The following SDK1 variants were observed in gnomAD, a reference collection of about 807,000 sequenced individuals.
SDK1 encodes the protein protein sidekick-1.
Under a neutral mutation model 245.5 loss-of-function variants are expected in SDK1, and 157 were observed. The ratio of observed to expected loss-of-function variants is 0.64; its 90% CI spans 0.56 to 0.73. The LOEUF (loss-of-function observed/expected upper bound fraction) is 0.73, where lower values mean the gene tolerates loss of function less well. SDK1 is among the 30% of genes least tolerant of loss of function. SDK1 has a pLI of 0.00. For synonymous variants in SDK1, 1,647 were observed against 1,278.5 expected (o/e 1.29, Z -6.15); for missense variants, 3,583 against 3,002.3 (o/e 1.19, Z -4.52).
intron 13 of SDK1, among the ~76,000 whole-genome samples, chr7:3,975,694 G>A (rs138818286): frequency 2.0e-5 from 3 of 152,250 alleles, no homozygotes; most frequent in Non-Finnish European, 2.9e-5. Flanking sequence ...ATGTGTAGCA[G>A]TCAGTCCGGA....
At chr7:3,307,218 CT>C (rs1264995543) in intron 1 of SDK1, among the ~76,000 whole-genome samples, 2 of 152,028 alleles carry the variant, frequency 1.3e-5, no homozygotes, top group Admixed American at 6.6e-5. Flanking sequence ...AAATTTCCCC[CT>C]AAGTATGTAC....
At chr7:4,203,785 G>A (rs1470785697) in intron 35 of SDK1, among the ~76,000 whole-genome samples, 7 of 152,246 alleles carry the variant, frequency 4.6e-5, no homozygotes. Context: ...GCTTTGCTCA[G>A]CGTTGACATA....
chr7:3,568,652 G>T (rs1379596620), intron 1 of SDK1, among the ~76,000 whole-genome samples: 2 of 152,204 alleles, frequency 1.3e-5, no homozygotes, highest in Non-Finnish European at 2.9e-5. Context: ...CCATGTTAAA[G>T]GGCAGACCTG....
chr7:3,346,964 C>T (rs192214459), intron 1 of SDK1, among the ~76,000 whole-genome samples: 17 of 149,618 alleles, frequency 1.1e-4, no homozygotes, highest in African/African-American at 4.2e-4. Context: ...AGCTACTGCA[C>T]CCAGCCCTGA....
intron 44 of SDK1, among the ~76,000 whole-genome samples, chr7:4,250,795 G>A (rs905919032): frequency 5.9e-5 from 9 of 152,158 alleles, no homozygotes; most frequent in Non-Finnish European, 1.3e-4. Context: ...GCTTTATTGA[G>A]TTATAATTCA....
chr7:3,537,046 A>C (rs2128619483), intron 1 of SDK1, among the ~76,000 whole-genome samples: 1 of 152,312 alleles, frequency 6.6e-6, no homozygotes, highest in Non-Finnish European at 1.5e-5. Flanking sequence ...ATACCCTCTG[A>C]GTCTTTTACC....
At chr7:4,251,586 C>T (rs774745613) in intron 44 of SDK1, among the ~76,000 whole-genome samples, 24 of 152,204 alleles carry the variant, frequency 1.6e-4, no homozygotes, top group Non-Finnish European at 2.9e-4. Flanking sequence ...CATAGGCATC[C>T]TCTGCCAAGC....
At chr7:3,734,386 A>T (rs1779263869) in intron 4 of SDK1, among the ~76,000 whole-genome samples, 1 of 152,218 alleles carries the variant, frequency 6.6e-6, no homozygotes, top group African/African-American at 2.4e-5. Flanking sequence ...AATTAGCATG[A>T]GGAAATACTT....
At chr7:3,387,701 T>G (rs1181207140) in intron 1 of SDK1, among the ~76,000 whole-genome samples, 1 of 152,218 alleles carries the variant, frequency 6.6e-6, no homozygotes, top group Non-Finnish European at 1.5e-5. Context: ...GAACTGTACA[T>G]TTAATGTTTA....
chr7:4,138,180 C>A (rs917047353), intron 28 of SDK1, among the ~76,000 whole-genome samples: 1 of 152,290 alleles, frequency 6.6e-6, no homozygotes, highest in East Asian at 1.9e-4. Flanking sequence ...GGGATGCCGT[C>A]GTGCTTTGCA....
At chr7:3,411,594 C>T (rs1298078017) in intron 1 of SDK1, among the ~76,000 whole-genome samples, 1 of 152,118 alleles carries the variant, frequency 6.6e-6, no homozygotes, top group Admixed American at 6.5e-5. Flanking sequence ...TGTGATACTT[C>T]CCAGCAAATC....
intron 1 of SDK1, among the ~76,000 whole-genome samples, chr7:3,558,878 A>G (rs554807237): frequency 2.6e-5 from 4 of 152,356 alleles, no homozygotes; most frequent in East Asian, 1.9e-4. Context: ...GTAGACTGCT[A>G]TATGCATTTC....
chr7:4,173,921 GTCCCCAGCCTCCT>G (rs1353167800), intron 32 of SDK1, among the ~76,000 whole-genome samples: 2 of 152,228 alleles, frequency 1.3e-5, no homozygotes, highest in African/African-American at 4.8e-5. Context: ...GTCTGTGTCT[GTCCCCAGCCTCCT>G]GCCCCAGCCT....
At chr7:4,158,248 C>T (rs533996539) in intron 30 of SDK1, among the ~76,000 whole-genome samples, 200 bp from the exon 31 acceptor site, 3 of 152,318 alleles carry the variant, frequency 2.0e-5, no homozygotes, top group Non-Finnish European at 4.4e-5. Flanking sequence ...TCCTTCAAGC[C>T]CCTGCTCATT....
At position 3,396,849 on chromosome 7, in the gene SDK1, A is replaced by T. The variant is rs190644702; in HGVS notation, c.298+94965A>T. Reference sequence around the variant, plus strand: ...TAGATGGTCTAATTCATTTATATTTATTTATATTTAATGTAATTATTAAGA... The same window carrying T: ...TAGATGGTCTAATTCATTTATATTTTTTTATATTTAATGTAATTATTAAGA... On this transcript the variant is annotated intron_variant, in intron 1 of 44. Transcript: ENST00000404826. 9.8e-3 allele frequency among the ~76,000 whole-genome samples: 1,492 copies of T among 151,584 alleles called. 32 individuals are homozygous for T. Among genetic ancestry groups the T allele is most frequent in the African/African-American group, 0.034 (1,407 of 41,472 alleles).
intron 15 of SDK1, 69 bp downstream of exon 15, chr7:4,011,182 C>G (rs1301843036): frequency 1.3e-6 from 2 of 1,554,964 alleles, no homozygotes; most frequent in African/African-American, 2.7e-5. Flanking sequence ...AGAAGCATCA[C>G]ATTATGTGGT....
chr7:3,433,606 A>T (rs898743174), intron 1 of SDK1, among the ~76,000 whole-genome samples: 1 of 152,222 alleles, frequency 6.6e-6, no homozygotes, highest in South Asian at 2.1e-4. Context: ...GAATTGCTAC[A>T]TTAAAGACTG....
intron 1 of SDK1, among the ~76,000 whole-genome samples, chr7:3,335,568 A>G (rs1365358230): frequency 6.6e-6 from 1 of 152,122 alleles, no homozygotes; most frequent in Non-Finnish European, 1.5e-5. Context: ...AAATTATTCT[A>G]CAGGTCTTGT....
intron 4 of SDK1, among the ~76,000 whole-genome samples, chr7:3,745,740 C>T (rs1451777634): frequency 6.6e-6 from 1 of 151,952 alleles, no homozygotes; most frequent in African/African-American, 2.4e-5. Flanking sequence ...AAATGTCTAG[C>T]CAATATAATT....
Sources: allele counts gnomAD v4.1 joint callset (sites outside exome capture counted in the v4.1 genomes callset), GRCh38; gene constraint gnomAD v4.1.1; transcripts MANE v1.5; gene names NCBI Gene and HGNC (gene_info 2026-07-23, HGNC 2026-07-21).